The following ZNF875 variants were observed in gnomAD, a reference collection of about 807,000 sequenced individuals.
ZNF875 encodes HKR1, GLI-Kruppel zinc finger family member.
ZNF875 carries 14 observed loss-of-function variants against 11.2 expected under a neutral mutation model. That is an observed-to-expected ratio of 1.26 (90% CI 0.83 to 1.96). The LOEUF (loss-of-function observed/expected upper bound fraction) is 1.96, where lower values mean the gene tolerates loss of function less well. Among genes scored for constraint, ZNF875 ranks in the 30% most tolerant of loss-of-function variants. ZNF875 has a pLI of 0.00. For synonymous variants in ZNF875, 301 were observed against 281.1 expected (o/e 1.07, Z -0.71); for missense variants, 752 against 760.4 (o/e 0.99, Z 0.13).
At chr19:37,341,381 G>C (rs1366644117) in intron 2 of ZNF875, among the ~76,000 whole-genome samples, 1 of 152,182 alleles carries the variant, frequency 6.6e-6, no homozygotes, top group Non-Finnish European at 1.5e-5. Flanking sequence ...ACCAGGGCTG[G>C]AGGACTATCC....
intron 4 of ZNF875, among the ~76,000 whole-genome samples, chr19:37,348,290 A>C (rs903782806): frequency 6.6e-6 from 1 of 152,198 alleles, no homozygotes; most frequent in Non-Finnish European, 1.5e-5. Context: ...AGCTATGACT[A>C]ATAATAAAAT....
At chr19:37,336,797 A>C (rs2145950607) in intron 2 of ZNF875, among the ~76,000 whole-genome samples, 1 of 151,486 alleles carries the variant, frequency 6.6e-6, no homozygotes, top group South Asian at 2.1e-4. Context: ...AGTCCCAGCT[A>C]CTCGGGAGGC....
chr19:37,317,189 T>TG (rs890074292), upstream of ZNF875: 3 of 133,284 alleles, frequency 2.3e-5, no homozygotes, highest in Admixed American at 7.4e-5. Flanking sequence ...GTTTTTTTTT[T>TG]TTTTTTTTTT....
chr19:37,341,581 C>T (rs1250817855), intron 2 of ZNF875, among the ~76,000 whole-genome samples: 2 of 152,144 alleles, frequency 1.3e-5, no homozygotes, highest in Non-Finnish European at 2.9e-5. Context: ...AAGGAAGTCA[C>T]ATGGCCAAGT....
intron 4 of ZNF875, 82 bp downstream of exon 4, chr19:37,347,954 G>C (rs2037142171): frequency 1.8e-5 from 15 of 817,980 alleles, no homozygotes; most frequent in Non-Finnish European, 3.1e-5. Context: ...ATACTGGGAA[G>C]AAGCTCTTCT....
At chr19:37,334,846 T>G (rs773319756) in intron 1 of ZNF875, 64 bp downstream of exon 1, 1 of 460,760 alleles carries the variant, frequency 2.2e-6, no homozygotes, top group Non-Finnish European at 4.3e-6. Flanking sequence ...GGACGCCGGC[T>G]GGGAGCCGCA....
Position 37,362,209 on chromosome 19 carries a change from G to A in ZNF875, c.357G>A (p.Leu119=). 6.2e-7 allele frequency: 1 copy of A among 1,614,128 alleles called. No homozygotes were observed. The highest frequency in any genetic ancestry group is 8.5e-7 in the Non-Finnish European group (1 of 1,180,004). ...QHVWLSHLSQ[L]FSSLWAGNPL... ...TGTGGCTGAGTCATCTCTCTCAGCT[G>A]TTTTCAAGTTTATGGGCAGGAAATC... The change falls in exon 5 of 5, where the codon CTG becomes CTA. Residue 119 remains leucine, a synonymous_variant. Coordinates refer to ENST00000392153, the MANE Select transcript of ZNF875 (RefSeq NM_001353803.2).
chr19:37,337,359 AG>A (rs1325688263), intron 2 of ZNF875: 1 of 152,242 alleles, frequency 6.6e-6, no homozygotes, highest in Admixed American at 6.5e-5. Context: ...TCTTTGAGTA[AG>A]CTGAGTTTTG....
At chr19:37,343,487 GTGGCTGTAGTTAGC>G (rs2036178096) in intron 2 of ZNF875, among the ~76,000 whole-genome samples, 1 of 151,974 alleles carries the variant, frequency 6.6e-6, no homozygotes, top group African/African-American at 2.4e-5. Context: ...GCATCCTCAT[GTGGCTGTAGTTAGC>G]TGGCTGCTCA....
intron 4 of ZNF875, among the ~76,000 whole-genome samples, chr19:37,356,438 G>T (rs1468584934): frequency 6.6e-6 from 1 of 151,962 alleles, no homozygotes; most frequent in East Asian, 1.9e-4. Flanking sequence ...TTTTTTGTTT[G>T]TTTGTTTGTT....
rs1438272935 is a variant in ZNF875 at position 37,364,099 on chromosome 19, A to AC, written c.*326dup. 1 of 302,154 alleles carries AC rather than the reference A, an allele frequency of 3.3e-6. No homozygotes were observed. The highest frequency in any genetic ancestry group is 6.2e-6 in the Non-Finnish European group (1 of 161,992). The allele number at this position is 302,154 out of a possible 1,614,324, so 18.7% of individuals were successfully genotyped here. On this transcript the variant is annotated 3_prime_UTR_variant, in exon 5 of 5. Transcript: ENST00000392153. ...AGGGGTGGGTACCTGGTGAAACCCA[A>AC]CCTTAAAGCTGAAGACAGTCCCGGC...
intron 2 of ZNF875, chr19:37,337,788 CT>C (rs2034824578): frequency 6.6e-6 from 1 of 151,772 alleles, no homozygotes; most frequent in East Asian, 1.9e-4. Context: ...GATGATGCCC[CT>C]GACTTAATTG....
rs543058591 is a variant in ZNF875, at chr19:37,336,920, T to C, written c.33+1663T>C. Among the ~76,000 whole-genome samples the C allele has an allele frequency of 2.0e-5, 3 of 151,968 alleles. No individual in the cohort carries two copies. In the South Asian group the frequency reaches 6.3e-4, roughly 32 times the overall value. ...GAGACTCCATCTCAAAATAAATAAA[T>C]AAATAAATATACATATGTTAAGATA... On this transcript the variant is annotated intron_variant, in intron 2 of 4. Transcript: ENST00000392153.
At chr19:37,334,292 A>G (rs1445362407), upstream of ZNF875, among the ~76,000 whole-genome samples, 2 of 152,200 alleles carry the variant, frequency 1.3e-5, no homozygotes, top group African/African-American at 4.8e-5. Flanking sequence ...GGAAGGGCGC[A>G]TCAGGGCGGA....
At chr19:37,336,001 T>C (rs2034308692) in intron 2 of ZNF875, among the ~76,000 whole-genome samples, 1 of 152,028 alleles carries the variant, frequency 6.6e-6, no homozygotes, top group African/African-American at 2.4e-5. Context: ...ACTCATGAAG[T>C]AGTTAATTGT....
At chr19:37,326,350 C>T (rs1238813984) in intron 4 of ZNF875, among the ~76,000 whole-genome samples, 1 of 152,176 alleles carries the variant, frequency 6.6e-6, no homozygotes, top group Non-Finnish European at 1.5e-5. Context: ...ACCCCACACC[C>T]CTGCAGTCTG....
intron 4 of ZNF875, among the ~76,000 whole-genome samples, chr19:37,324,479 T>A (rs6508712): frequency 1.3e-5 from 2 of 151,954 alleles, no homozygotes; most frequent in African/African-American, 4.8e-5. Context: ...GGAAGGAATA[T>A]TCCAGATTCC....
At position 37,362,744 on chromosome 19, in the gene ZNF875, A is replaced by G. The variant is rs2040160901; in HGVS notation, c.892A>G (p.Ile298Val). Reference protein sequence around the residue: ...GRGFTWKSNLITHQRTHSGEK... With the variant: ...GRGFTWKSNLVTHQRTHSGEK... ...AGGCTTTACGTGGAAGTCAAACCTG[A>G]TCACACATCAGAGGACACACTCAGG... Residue 298 changes from isoleucine to valine, a missense_variant, in exon 5 of 5, where the codon ATC becomes GTC. Transcript: ENST00000392153. 1 of 1,612,786 alleles carries G rather than the reference A, an allele frequency of 6.2e-7. No individual in the cohort carries two copies. The highest frequency in any genetic ancestry group is 8.5e-7 in the Non-Finnish European group (1 of 1,179,512).
chr19:37,348,938 A>G (rs2037340548), intron 4 of ZNF875, among the ~76,000 whole-genome samples: 1 of 152,238 alleles, frequency 6.6e-6, no homozygotes, highest in Non-Finnish European at 1.5e-5. Flanking sequence ...CTTAAACAAC[A>G]GAAGTTTATT....
Sources: allele counts gnomAD v4.1 joint callset (sites outside exome capture counted in the v4.1 genomes callset), GRCh38; gene constraint gnomAD v4.1.1; transcripts MANE v1.5; gene names NCBI Gene and HGNC (gene_info 2026-07-23, HGNC 2026-07-21).